Variants in DPP10 observed in about 807,000 individuals in gnomAD.
DPP10 encodes the protein dipeptidyl peptidase like 10.
DPP10 carries 33 observed loss-of-function variants against 120.9 expected under a neutral mutation model. That is an observed-to-expected ratio of 0.27 (90% CI 0.21 to 0.37). The LOEUF is 0.37. DPP10 is among the 10% of genes least tolerant of loss of function. The pLI is 1.00. For synonymous variants in DPP10, 337 were observed against 326.1 expected, an observed-to-expected ratio of 1.03 and a Z score of -0.36; for missense variants, 816 against 942.8, an observed-to-expected ratio of 0.87 and a Z score of 1.76.
intron 1 of DPP10, among the ~76,000 whole-genome samples, chr2:115,035,193 A>G (rs1270562250): frequency 1.3e-5 from 2 of 152,154 alleles, no homozygotes; most frequent in African/African-American, 2.4e-5. Flanking sequence ...TCCTACTTCA[A>G]TCTTAAATCC....
chr2:115,257,884 C>T (rs1405852520), intron 1 of DPP10, among the ~76,000 whole-genome samples: 2 of 152,012 alleles, frequency 1.3e-5, no homozygotes, highest in Admixed American at 6.5e-5. Context: ...GAATTGAATT[C>T]AAAGTTATAA....
intron 1 of DPP10, among the ~76,000 whole-genome samples, chr2:114,941,409 C>T (rs771091740): frequency 2.8e-4 from 42 of 152,280 alleles, no homozygotes; most frequent in Non-Finnish European, 4.7e-4. Flanking sequence ...TCTCCATGAA[C>T]AATCACTCTT....
At chr2:115,812,274 C>T (rs1686726992) in intron 19 of DPP10, among the ~76,000 whole-genome samples, 1 of 152,156 alleles carries the variant, frequency 6.6e-6, no homozygotes, top group Non-Finnish European at 1.5e-5. Flanking sequence ...CTTCAAAATG[C>T]AGTATCTTTA....
rs529814909 is a variant in DPP10 at position 114,846,028 on chromosome 2, C to T, written c.60+403190C>T. Among the ~76,000 whole-genome samples, 22 of 151,898 alleles carry T rather than the reference C, an allele frequency of 1.4e-4. No individual in the cohort carries two copies. In the South Asian group the frequency reaches 4.6e-3, roughly 32 times the overall value. On this transcript the variant is annotated intron_variant, in intron 1 of 25. Transcript: ENST00000410059. The stretch of plus-strand genomic sequence containing the variant: ...GCCAATATATTTTTGTATGTTGGAT[C>T]TCACTGAGGACAAACAAGAAACAGG...
intron 1 of DPP10, among the ~76,000 whole-genome samples, chr2:114,606,676 C>A (rs1027108352): frequency 6.6e-6 from 1 of 152,144 alleles, no homozygotes; most frequent in African/African-American, 2.4e-5. Flanking sequence ...ACCCCAAAGC[C>A]TTATATCATC....
At chr2:114,500,862 C>T (rs954369893) in intron 1 of DPP10, among the ~76,000 whole-genome samples, 3 of 152,234 alleles carry the variant, frequency 2.0e-5, no homozygotes, top group East Asian at 1.9e-4. Context: ...CCGTCTGGTG[C>T]GTGGGGTTCT....
Position 115,761,096 on chromosome 2 carries a change from CAA to C in DPP10, c.1075-1456_1075-1455del, listed in dbSNP as rs34165193. Among the ~76,000 whole-genome samples the C allele has an allele frequency of 3.9e-3, 348 of 90,250 alleles. 2 individuals carry two copies. Among genetic ancestry groups the C allele is most frequent in the Middle Eastern group, 0.028 (5 of 180 alleles). 59.2% of individuals were successfully genotyped at this position (90,250 alleles called of 152,430 possible). A position where few individuals can be genotyped will look rare whatever the true frequency, so the allele number is the denominator to read the frequency against. On this transcript the variant is annotated intron_variant, in intron 11 of 25. Transcript: ENST00000410059. ...TGGGCAACAAAGCAAGACTTTGTCT[CAA>C]AAAAAAAAAAAAAAAAAAAGGCACA...
intron 3 of DPP10, among the ~76,000 whole-genome samples, chr2:115,386,210 T>A (rs1278406753): frequency 6.6e-6 from 1 of 152,174 alleles, no homozygotes; most frequent in Non-Finnish European, 1.5e-5. Flanking sequence ...AAACTTTGTT[T>A]CCTCTGCCCC....
chr2:115,745,603 TG>T, intron 9 of DPP10, among the ~76,000 whole-genome samples: 2 of 150,798 alleles, frequency 1.3e-5, no homozygotes, highest in Non-Finnish European at 1.5e-5. Context: ...ATTACGGTTT[TG>T]GAATTTTAAG....
At chr2:115,529,978 C>A (rs1404203722) in intron 5 of DPP10, among the ~76,000 whole-genome samples, 1 of 151,826 alleles carries the variant, frequency 6.6e-6, no homozygotes, top group Non-Finnish European at 1.5e-5. Context: ...AGTATTTGGA[C>A]AAAATAGGGC....
chr2:115,044,367 T>C (rs1039723747), intron 1 of DPP10, among the ~76,000 whole-genome samples: 1 of 152,042 alleles, frequency 6.6e-6, no homozygotes, highest in Non-Finnish European at 1.5e-5. Context: ...TTTTTTTTAA[T>C]TTTATTATTA....
chr2:115,145,883 C>A (rs528360718), intron 1 of DPP10, among the ~76,000 whole-genome samples: 1 of 152,080 alleles, frequency 6.6e-6, no homozygotes. Flanking sequence ...TTTTAATTCT[C>A]AATTCCCTAA....
At chr2:115,129,644 C>G (rs1269518349) in intron 1 of DPP10, among the ~76,000 whole-genome samples, 1 of 152,168 alleles carries the variant, frequency 6.6e-6, no homozygotes, top group East Asian at 1.9e-4. Context: ...CTGTCATTTG[C>G]CAAAGTATAT....
chr2:114,968,591 C>T lies in DPP10; in HGVS notation c.61-340648C>T, dbSNP rs573792864. Reference sequence around the variant, plus strand: ...CTCTGCCATGTCTGAATGTGACTTACAATAATTTATTATATGTTATACACA... The same window carrying T: ...CTCTGCCATGTCTGAATGTGACTTATAATAATTTATTATATGTTATACACA... On this transcript the variant is annotated intron_variant, in intron 1 of 25. Transcript: ENST00000410059. 1.7e-4 allele frequency among the ~76,000 whole-genome samples: 26 copies of T among 152,206 alleles called. 1 individual carries two copies. The South Asian group carries it at 5.2e-3, about 30-fold the overall frequency.
At chr2:115,439,736 C>A (rs1048016256) in intron 3 of DPP10, among the ~76,000 whole-genome samples, 3 of 152,078 alleles carry the variant, frequency 2.0e-5, no homozygotes, top group Non-Finnish European at 4.4e-5. Flanking sequence ...ATCGAAATTA[C>A]CACACATGTA....
rs942723815 is a variant in DPP10, at chr2:114,509,585, G to A, written c.60+66747G>A. Among the ~76,000 whole-genome samples, 7 of 152,310 alleles carry A rather than the reference G, an allele frequency of 4.6e-5. No homozygotes were observed. The East Asian group carries it at 5.8e-4, about 13-fold the overall frequency. On this transcript the variant is annotated intron_variant, in intron 1 of 25. Coordinates refer to ENST00000410059, the MANE Select transcript of DPP10 (RefSeq NM_020868.6). ...CTGGGTGTGACATGAAGGAGACAGCGTAGGGCTCCATACAGCTCCCCCAGC... is the reference window on the plus strand; with the variant it reads ...CTGGGTGTGACATGAAGGAGACAGCATAGGGCTCCATACAGCTCCCCCAGC...
intron 2 of DPP10, among the ~76,000 whole-genome samples, chr2:115,325,388 C>T (rs981331496): frequency 6.6e-6 from 1 of 152,000 alleles, no homozygotes; most frequent in African/African-American, 2.4e-5. Flanking sequence ...GTTATTAAAG[C>T]TGATGATATT....
intron 5 of DPP10, among the ~76,000 whole-genome samples, chr2:115,544,018 G>A (rs994483744): frequency 1.3e-5 from 2 of 150,968 alleles, no homozygotes; most frequent in African/African-American, 4.9e-5. Context: ...CCCTTCCGCT[G>A]TACAGGTAAG....
intron 1 of DPP10, among the ~76,000 whole-genome samples, chr2:114,839,001 T>G (rs937520685): frequency 7.2e-5 from 11 of 152,216 alleles, no homozygotes; most frequent in Non-Finnish European, 1.5e-4. Flanking sequence ...TATCCTCTGT[T>G]TTTTAATATT....
Sources: allele counts gnomAD v4.1 joint callset (sites outside exome capture counted in the v4.1 genomes callset), GRCh38; gene constraint gnomAD v4.1.1; transcripts MANE v1.5; gene names NCBI Gene and HGNC (gene_info 2026-07-23, HGNC 2026-07-21).